ACVR1C: variants seen among roughly 807,000 people sequenced by gnomAD.
The protein encoded by ACVR1C is activin receptor type-1C.
ACVR1C carries 23 observed loss-of-function variants against 57.9 expected under a neutral mutation model. The observed-to-expected ratio is 0.40, with a 90% CI of 0.29 to 0.56. The LOEUF is 0.56. Ranked by LOEUF, ACVR1C falls within the 20% of genes least tolerant of loss-of-function variation. The probability of loss-of-function intolerance (pLI) is 0.50; values close to 1 mark genes in which losing one functional copy is unlikely to be tolerated. For missense variants in ACVR1C, 480 were observed against 607.9 expected, an observed-to-expected ratio of 0.79 and a Z score of 2.21; for synonymous variants, 214 against 215.3, an observed-to-expected ratio of 0.99 and a Z score of 0.05.
intron 8 of ACVR1C, among the ~76,000 whole-genome samples, chr2:157,535,189 TGACTATTTCCCTGAAACCTTCTAA>T (rs1687452907): frequency 6.7e-6 from 1 of 149,260 alleles, no homozygotes; most frequent in Non-Finnish European, 1.5e-5. Context: ...AATTTAAGGA[TGACTATTTCCCTGAAACCTTCTAA>T]GGCAAATTGC....
At chr2:157,562,695 T>C (rs1308152077) in intron 2 of ACVR1C, among the ~76,000 whole-genome samples, 9 of 152,110 alleles carry the variant, frequency 5.9e-5, no homozygotes, top group Non-Finnish European at 1.2e-4. Context: ...CCAATATCCC[T>C]GATGAACATC....
intron 4 of ACVR1C, 73 bp from the exon 5 acceptor site, chr2:157,544,685 G>T: frequency 3.8e-6 from 5 of 1,314,164 alleles, no homozygotes; most frequent in Non-Finnish European, 5.3e-6. Context: ...AAAAATATCA[G>T]TGTTTAATCT....
chr2:157,536,790 T>G (rs1687497912), intron 8 of ACVR1C, among the ~76,000 whole-genome samples: 1 of 152,158 alleles, frequency 6.6e-6, no homozygotes, highest in Non-Finnish European at 1.5e-5. Context: ...CAATATCTAT[T>G]CCATGAGATT....
intron 7 of ACVR1C, among the ~76,000 whole-genome samples, chr2:157,540,796 T>C (rs917453671): frequency 2.0e-5 from 3 of 152,212 alleles, no homozygotes; most frequent in Admixed American, 1.3e-4. Context: ...AAGTTAGGAA[T>C]ACCAGCTTAC....
chr2:157,597,497 C>A (rs2105135788), intron 1 of ACVR1C: 1 of 985,458 alleles, frequency 1.0e-6, no homozygotes, highest in Non-Finnish European at 1.2e-6. Flanking sequence ...GACCTTGGCG[C>A]AGTGAATTCG....
At chr2:157,619,839 C>T (rs140220859) in intron 1 of ACVR1C, among the ~76,000 whole-genome samples, 7 of 152,022 alleles carry the variant, frequency 4.6e-5, no homozygotes, top group East Asian at 1.9e-4. Context: ...GATAAACCTC[C>T]GGCTAGACTG....
intron 1 of ACVR1C, 126 bp downstream of exon 1, chr2:157,628,446 G>T: frequency 1.8e-6 from 2 of 1,124,570 alleles, no homozygotes; most frequent in Non-Finnish European, 2.6e-6. Flanking sequence ...TCCGACTGGC[G>T]CTTCCCTGTC....
chr2:157,594,455 G>GAT (rs1682034782), intron 1 of ACVR1C, among the ~76,000 whole-genome samples: 1 of 140,456 alleles, frequency 7.1e-6, no homozygotes, highest in Admixed American at 7.8e-5. Context: ...ATAGGTCTGT[G>GAT]CCCCCAAATT....
chr2:157,562,954 T>C (rs1348570549), intron 2 of ACVR1C, among the ~76,000 whole-genome samples: 1 of 152,252 alleles, frequency 6.6e-6, no homozygotes. Context: ...AAAGTAGGTA[T>C]ACATGGAACA....
intron 1 of ACVR1C, among the ~76,000 whole-genome samples, chr2:157,588,469 A>G (rs1347009208): frequency 6.6e-6 from 1 of 151,880 alleles, no homozygotes; most frequent in Non-Finnish European, 1.5e-5. Context: ...TTAGGAGTAC[A>G]AGTTGTTTTG....
chr2:157,555,948 TA>T, intron 3 of ACVR1C, 144 bp downstream of exon 3: 2 of 963,892 alleles, frequency 2.1e-6, no homozygotes, highest in Non-Finnish European at 3.0e-6. Flanking sequence ...CCTCAGGTAC[TA>T]AAAGGAGTTC....
chr2:157,604,542 T>C (rs1319506593), intron 1 of ACVR1C, among the ~76,000 whole-genome samples: 2 of 152,024 alleles, frequency 1.3e-5, no homozygotes, highest in African/African-American at 4.8e-5. Context: ...TAAACATTAA[T>C]ATACTGTTTT....
intron 3 of ACVR1C, among the ~76,000 whole-genome samples, chr2:157,554,416 G>A (rs1688040143): frequency 1.3e-5 from 2 of 150,688 alleles, no homozygotes; most frequent in South Asian, 2.1e-4. Context: ...AAGGAAGGAA[G>A]GAGACAAAGG....
At chr2:157,549,091 C>T (rs972047199) in intron 4 of ACVR1C, among the ~76,000 whole-genome samples, 1 of 152,150 alleles carries the variant, frequency 6.6e-6, no homozygotes, top group Non-Finnish European at 1.5e-5. Context: ...CGGGGTGGCT[C>T]AAGCCTGTAA....
intron 3 of ACVR1C, among the ~76,000 whole-genome samples, chr2:157,555,049 G>A (rs1206295704): frequency 6.7e-6 from 1 of 148,586 alleles, no homozygotes; most frequent in Non-Finnish European, 1.5e-5. Flanking sequence ...CAAATGCTTT[G>A]TGTTGTGAGA....
At chr2:157,597,314 A>T in intron 1 of ACVR1C, 1 of 983,988 alleles carries the variant, frequency 1.0e-6, no homozygotes. Context: ...CCCCACCCCA[A>T]AAAGGACCTT....
rs1380264801 is a variant in ACVR1C, at chr2:157,532,165, C to T, written c.*1753G>A. ...AACATATTTCCATAGTGAAATGAAG[C>T]ATAATCACTAAATTGTACTCTATGA... is the stretch of plus-strand genomic sequence containing the variant. On this transcript the variant is annotated 3_prime_UTR_variant, in exon 9 of 9. Transcript: ENST00000243349. The T allele has an allele frequency of 6.6e-6, 1 of 152,136 alleles. No homozygotes were observed. Among genetic ancestry groups the T allele is most frequent in the East Asian group, 1.9e-4 (1 of 5,180 alleles). 9.4% of individuals were successfully genotyped at this position (152,136 alleles called of 1,614,324 possible).
Position 157,533,908 on chromosome 2 carries a change from A to G in ACVR1C, c.*10T>C. 1.3e-6 allele frequency: 2 copies of G among 1,545,350 alleles called. No homozygotes were observed. Among genetic ancestry groups the G allele is most frequent in the East Asian group, 2.3e-5 (1 of 42,910 alleles). On this transcript the variant is annotated 3_prime_UTR_variant, in exon 9 of 9. Transcript: ENST00000243349. The stretch of plus-strand genomic sequence containing the variant: ...CTATGAGAGATTTCTTTTTAACATA[A>G]TTATCATCATTAGGCTTTGCAGTCT...
intron 1 of ACVR1C, among the ~76,000 whole-genome samples, chr2:157,599,258 C>T (rs1255572612): frequency 7.6e-6 from 1 of 131,888 alleles, no homozygotes; most frequent in Non-Finnish European, 1.5e-5. Context: ...GGCGTGAACC[C>T]GAGAGGGGGA....
Sources: gnomAD v4.1 joint callset for allele counts (sites outside exome capture counted in the v4.1 genomes callset) on GRCh38, gnomAD v4.1.1 for gene constraint, MANE v1.5 for transcripts, NCBI Gene and HGNC (gene_info 2026-07-23, HGNC 2026-07-21) for gene names.